Variants in DLG2 observed in about 807,000 individuals in gnomAD.
The protein encoded by DLG2 is disks large homolog 2.
In DLG2, 45 loss-of-function variants were observed where a neutral mutation model predicts 132.5. The observed-to-expected ratio is 0.34, with a 90% CI of 0.27 to 0.44. DLG2 has a LOEUF of 0.44. DLG2 is among the 20% of genes least tolerant of loss of function. The pLI is 1.00. For synonymous variants in DLG2, 424 were observed against 419.6 expected, an observed-to-expected ratio of 1.01 and a Z score of -0.13; for missense variants, 1,045 against 1,196.9, an observed-to-expected ratio of 0.87 and a Z score of 1.87.
intron 9 of DLG2, among the ~76,000 whole-genome samples, chr11:84,112,840 C>T (rs1377668167): frequency 2.6e-5 from 4 of 152,186 alleles, no homozygotes; most frequent in African/African-American, 9.7e-5. Flanking sequence ...ATCATTTCTG[C>T]TGTGTTCAGA....
intron 7 of DLG2, among the ~76,000 whole-genome samples, chr11:84,297,869 T>G (rs529504166): frequency 1.8e-3 from 279 of 152,210 alleles, no homozygotes; most frequent in African/African-American, 6.4e-3. Context: ...AACCCTGAGG[T>G]CCTTGCGTAT....
At position 83,898,099 on chromosome 11, in the gene DLG2, C is replaced by T. The variant is rs1213862240; in HGVS notation, c.1497-23611G>A. ...GAACTTTGGGGAATTGACTGACTGC[C>T]CTCAAAATTTGCAGATAAAAGTATC... On this transcript the variant is annotated intron_variant, in intron 15 of 27. Coordinates refer to ENST00000376104, the MANE Select transcript of DLG2 (RefSeq NM_001142699.3). Among the ~76,000 whole-genome samples, 3 of 151,928 alleles carry T rather than the reference C, an allele frequency of 2.0e-5. No homozygotes were observed. In the East Asian group the frequency reaches 5.8e-4, roughly 29 times the overall value.
chr11:85,583,147 T>TA (rs2078722065), intron 3 of DLG2, among the ~76,000 whole-genome samples: 1 of 112,500 alleles, frequency 8.9e-6, no homozygotes, highest in Non-Finnish European at 1.8e-5. Flanking sequence ...TATATATATA[T>TA]ATATATATAT....
At chr11:83,988,469 GGAATAGCATT>G (rs1423176490) in intron 11 of DLG2, among the ~76,000 whole-genome samples, 1 of 152,046 alleles carries the variant, frequency 6.6e-6, no homozygotes, top group Non-Finnish European at 1.5e-5. Flanking sequence ...TAGTTTGATG[GGAATAGCATT>G]GAATGTATAA....
At chr11:85,198,950 T>A (rs546203025) in intron 4 of DLG2, among the ~76,000 whole-genome samples, 1 of 152,266 alleles carries the variant, frequency 6.6e-6, no homozygotes, top group South Asian at 2.1e-4. Flanking sequence ...CCAGTTATCT[T>A]CAAGTTTCAG....
chr11:83,668,867 A>ATATATAT (rs768513119), intron 18 of DLG2, among the ~76,000 whole-genome samples: 13 of 110,386 alleles, frequency 1.2e-4, no homozygotes, highest in African/African-American at 4.6e-4. Flanking sequence ...ATATATATAT[A>ATATATAT]TTTTTTTTTT....
chr11:85,091,431 G>A (rs552923198), intron 6 of DLG2, among the ~76,000 whole-genome samples: 4 of 152,248 alleles, frequency 2.6e-5, no homozygotes, highest in Non-Finnish European at 5.9e-5. Flanking sequence ...GACTGGGGTG[G>A]CTGTGGCAAT....
intron 6 of DLG2, among the ~76,000 whole-genome samples, chr11:84,901,842 C>G (rs188485010): frequency 6.6e-6 from 1 of 151,948 alleles, no homozygotes; most frequent in East Asian, 1.9e-4. Context: ...AATTCTATAG[C>G]CATTTCTATT....
rs1018674681 is a variant in DLG2, at chr11:83,471,487, T to G, written c.2446+139A>C. 6.5e-6 allele frequency: 4 copies of G among 616,862 alleles called. No homozygotes were observed. The African/African-American group carries it at 7.4e-5, about 11-fold the overall frequency. 38.2% of individuals were successfully genotyped at this position (616,862 alleles called of 1,614,324 possible). A position where few individuals can be genotyped will look rare whatever the true frequency, so the allele number is the denominator to read the frequency against. On this transcript the variant is annotated intron_variant, in intron 24 of 27. Transcript: ENST00000376104. ...AAAAGTGTTAGGCAAATAAATTAAA[T>G]AAGGCACTCAGCTAATCGGAAATGG...
chr11:85,413,108 C>T (rs368253039), intron 3 of DLG2, among the ~76,000 whole-genome samples: 10 of 152,000 alleles, frequency 6.6e-5, no homozygotes, highest in East Asian at 3.9e-4. Context: ...GCCATTCTTG[C>T]ACGAGTAAGG....
chr11:85,011,548 TTC>T (rs1289877597), intron 6 of DLG2, among the ~76,000 whole-genome samples: 1 of 152,166 alleles, frequency 6.6e-6, no homozygotes, highest in African/African-American at 2.4e-5. Flanking sequence ...TAAAAATACT[TTC>T]TTTGACTTCG....
intron 7 of DLG2, chr11:84,273,023 G>A: frequency 1.3e-6 from 1 of 777,898 alleles, no homozygotes; most frequent in Non-Finnish European, 1.8e-6. Flanking sequence ...GCCTGAATGA[G>A]AACTACAGAG....
chr11:84,382,232 C>G (rs1199832763), intron 7 of DLG2, among the ~76,000 whole-genome samples: 1 of 152,058 alleles, frequency 6.6e-6, no homozygotes, highest in East Asian at 1.9e-4. Context: ...TCTTTCTCCT[C>G]AAACCAGTTT....
intron 4 of DLG2, among the ~76,000 whole-genome samples, chr11:85,196,184 T>C (rs1471695377): frequency 6.6e-6 from 1 of 152,188 alleles, no homozygotes; most frequent in African/African-American, 2.4e-5. Context: ...TTCCTTGACT[T>C]CCACTCCAGT....
intron 11 of DLG2, among the ~76,000 whole-genome samples, chr11:84,049,740 G>A (rs1208605802): frequency 1.3e-5 from 2 of 151,704 alleles, no homozygotes; most frequent in East Asian, 1.9e-4. Flanking sequence ...TCCTTTTCAT[G>A]CCCTATGGGT....
At position 83,522,804 on chromosome 11, in the gene DLG2, G is replaced by GC. The variant is rs60229392; in HGVS notation, c.2193+9903dup. 9.1e-3 allele frequency among the ~76,000 whole-genome samples: 1,207 copies of GC among 132,128 alleles called. 12 individuals are homozygous for GC. The highest frequency in any genetic ancestry group is 0.019 in the African/African-American group (673 of 35,588). The allele number at this position is 132,128 out of a possible 152,430, so 86.7% of individuals were successfully genotyped here. A position where few individuals can be genotyped will look rare whatever the true frequency, so the allele number is the denominator to read the frequency against. On this transcript the variant is annotated intron_variant, in intron 21 of 27. Transcript: ENST00000376104. ...AAGAATAGGATAGTCTAATTTTAGA[G>GC]CCCCCCCCCCCTTTTTTTTTTAATC...
chr11:83,983,112 A>G (rs1472876353), intron 11 of DLG2, among the ~76,000 whole-genome samples: 1 of 152,078 alleles, frequency 6.6e-6, no homozygotes, highest in East Asian at 1.9e-4. Flanking sequence ...TGTATTTTAA[A>G]AAGTTATTAT....
At chr11:85,245,469 T>C (rs938948179) in intron 4 of DLG2, among the ~76,000 whole-genome samples, 23 of 151,950 alleles carry the variant, frequency 1.5e-4, no homozygotes, top group African/African-American at 5.6e-4. Context: ...TCAGAATATA[T>C]TGAGAATCCT....
At chr11:84,917,580 G>C (rs1167895117) in intron 6 of DLG2, among the ~76,000 whole-genome samples, 1 of 152,054 alleles carries the variant, frequency 6.6e-6, no homozygotes, top group Non-Finnish European at 1.5e-5. Context: ...TAAATCTTAG[G>C]TCATTGGGAA....
Sources: allele counts gnomAD v4.1 joint callset (sites outside exome capture counted in the v4.1 genomes callset), GRCh38; gene constraint gnomAD v4.1.1; transcripts MANE v1.5; gene names NCBI Gene and HGNC (gene_info 2026-07-23, HGNC 2026-07-21).